The following TULP4 variants were observed in gnomAD, a reference collection of about 807,000 sequenced individuals.
TULP4 encodes the protein TUB like protein 4.
In TULP4, 16 loss-of-function variants were observed where a neutral mutation model predicts 129.0. The observed-to-expected ratio is 0.12, with a 90% CI of 0.08 to 0.19. The LOEUF (loss-of-function observed/expected upper bound fraction) is 0.19, where lower values mean the gene tolerates loss of function less well. TULP4 is among the 10% of genes least tolerant of loss of function. The probability of loss-of-function intolerance (pLI) is 1.00; values close to 1 mark genes in which losing one functional copy is unlikely to be tolerated. For missense variants in TULP4, 1,842 were observed against 2,059.1 expected (o/e 0.89, Z 2.04); for synonymous variants, 998 against 854.0 (o/e 1.17, Z -2.94).
upstream of TULP4, among the ~76,000 whole-genome samples, chr6:158,310,089 T>TGG (rs1779316227): frequency 6.6e-6 from 1 of 152,146 alleles, no homozygotes; most frequent in Non-Finnish European, 1.5e-5. Flanking sequence ...TTAGTAAACT[T>TGG]GGGGTATTAG....
chr6:158,238,746 A>G (rs1375369924), intron 1 of TULP4, among the ~76,000 whole-genome samples: 1 of 98,682 alleles, frequency 1.0e-5, no homozygotes, highest in African/African-American at 3.7e-5. Flanking sequence ...GGTTGGGGGT[A>G]AGGTCACAGA....
intron 1 of TULP4, among the ~76,000 whole-genome samples, chr6:158,249,604 G>A (rs1292977862): frequency 1.3e-5 from 2 of 152,138 alleles, no homozygotes; most frequent in African/African-American, 4.8e-5. Flanking sequence ...TTCTATTTGT[G>A]TTTGATTTTG....
Position 158,493,450 on chromosome 6 carries a change from G to A in TULP4, c.1632-123G>A, listed in dbSNP as rs1290937436. The A allele has an allele frequency of 1.0e-5, 11 of 1,062,238 alleles. No individual in the cohort carries two copies. Among genetic ancestry groups the A allele is most frequent in the Non-Finnish European group, 1.4e-5 (11 of 793,720 alleles). The allele number at this position is 1,062,238 out of a possible 1,614,324, so 65.8% of individuals were successfully genotyped here. On this transcript the variant is annotated intron_variant, in intron 9 of 13. Coordinates refer to ENST00000367097, the MANE Select transcript of TULP4 (RefSeq NM_020245.5). The surrounding 1 kb of genome is among the most constrained non-coding windows in gnomAD (Gnocchi z 4.4). ...AGAGCTTTGTTAAATTCGGGCACTG[G>A]CTGCAGGGTGAGAACCCAACACCCA...
rs1016340756 is a variant in TULP4 at position 158,502,355 on chromosome 6, G to A, written c.2692G>A (p.Glu898Lys). Residue 898 changes from glutamate to lysine, a missense_variant, in exon 13 of 14, where the codon GAG becomes AAG. Physicochemically the swap from Glu to Lys is moderately conservative, Grantham distance 56 (BLOSUM62 1). Around this residue, in one of 5 missense-constraint regions of TULP4, gnomAD observed 1,089 missense variants for 987.1 expected, o/e 1.10. Coordinates refer to ENST00000367097, the MANE Select transcript of TULP4 (RefSeq NM_020245.5). Reference sequence around the variant, plus strand: ...CACCTTCGACAGCAGTGGCAACGTGGAGGAGGTGTGCCGGCCCCGCACCCG... The same window carrying A: ...CACCTTCGACAGCAGTGGCAACGTGAAGGAGGTGTGCCGGCCCCGCACCCG... ...ITTFDSSGNV[E>K]EVCRPRTRML... 2 of 1,613,698 alleles carry A rather than the reference G, an allele frequency of 1.2e-6. No individual in the cohort carries two copies. The highest frequency in any genetic ancestry group is 1.7e-6 in the Non-Finnish European group (2 of 1,179,980).
intron 1 of TULP4, among the ~76,000 whole-genome samples, chr6:158,348,236 C>T (rs556681854): frequency 7.6e-6 from 1 of 131,442 alleles, no homozygotes; most frequent in African/African-American, 2.9e-5. Context: ...GGGGATGTGG[C>T]AGGGTCATAG....
At chr6:158,488,598 A>G (rs910829934) in intron 8 of TULP4, among the ~76,000 whole-genome samples, 1 of 152,186 alleles carries the variant, frequency 6.6e-6, no homozygotes, top group Non-Finnish European at 1.5e-5. Context: ...TAAGAAACTC[A>G]TCCTTTAAAA....
At chr6:158,440,366 C>T (rs1778863476) in intron 3 of TULP4, among the ~76,000 whole-genome samples, 3 of 147,214 alleles carry the variant, frequency 2.0e-5, no homozygotes, top group African/African-American at 7.5e-5. Context: ...AAAGTAAAAT[C>T]TCAATGGTCA....
intron 10 of TULP4, among the ~76,000 whole-genome samples, chr6:158,494,411 T>C (rs1780280924): frequency 6.6e-6 from 1 of 152,240 alleles, no homozygotes; most frequent in South Asian, 2.1e-4. Flanking sequence ...CAGGACATAC[T>C]GGTACCAATG....
chr6:158,356,334 T>C (rs1221557782), intron 1 of TULP4, among the ~76,000 whole-genome samples: 4 of 151,992 alleles, frequency 2.6e-5, no homozygotes, highest in African/African-American at 9.7e-5. Context: ...ACAGGAGTGG[T>C]TAGAGCTGAC....
At chr6:158,384,317 T>C (rs1190893146) in intron 1 of TULP4, among the ~76,000 whole-genome samples, 1 of 150,674 alleles carries the variant, frequency 6.6e-6, no homozygotes, top group Non-Finnish European at 1.5e-5. Flanking sequence ...AGACAGAGTC[T>C]CGCTCTGTGA....
chr6:158,243,373 C>T (rs537817555), intron 1 of TULP4, among the ~76,000 whole-genome samples: 2 of 151,834 alleles, frequency 1.3e-5, no homozygotes, highest in Non-Finnish European at 2.9e-5. Flanking sequence ...ATCAATACTC[C>T]TTGACTGCAG....
intron 1 of TULP4, among the ~76,000 whole-genome samples, chr6:158,389,538 T>A (rs917063364): frequency 3.4e-4 from 52 of 152,200 alleles, no homozygotes; most frequent in South Asian, 1.4e-3. Context: ...ACTTTTTTTT[T>A]AATCATATAC....
intron 1 of TULP4, among the ~76,000 whole-genome samples, chr6:158,352,557 T>C (rs1427166187): frequency 6.6e-6 from 1 of 152,102 alleles, no homozygotes; most frequent in African/African-American, 2.4e-5. Context: ...CCACCACGCC[T>C]GGCTAATTTT....
At chr6:158,411,126 G>GAAAAAAAAA (rs79023085) in intron 1 of TULP4, among the ~76,000 whole-genome samples, 2 of 52,162 alleles carry the variant, frequency 3.8e-5, no homozygotes, top group Non-Finnish European at 8.5e-5. Flanking sequence ...AGGTAAAAGT[G>GAAAAAAAAA]AAAAAAAAAA....
Position 158,340,580 on chromosome 6 carries a change from C to T in TULP4, c.252+26312C>T, listed in dbSNP as rs556358395. ...CATTGAGTCCTGGGTCTTCTGAGAA[C>T]ATGTTCTGATGTCCTTCCCTAGCCT... is the stretch of plus-strand genomic sequence containing the variant. On this transcript the variant is annotated intron_variant, in intron 1 of 13. Transcript: ENST00000367097. Among the ~76,000 whole-genome samples the T allele has an allele frequency of 2.0e-5, 3 of 152,284 alleles. No homozygotes were observed. In the East Asian group the frequency reaches 5.8e-4, roughly 29 times the overall value.
At chr6:158,486,655 C>A (rs1341814083) in intron 8 of TULP4, among the ~76,000 whole-genome samples, 2 of 152,178 alleles carry the variant, frequency 1.3e-5, no homozygotes, top group Non-Finnish European at 2.9e-5. Flanking sequence ...ATCATTCTGG[C>A]GCCCTAGTCT....
At chr6:158,489,534 T>C in intron 8 of TULP4, 54 bp from the exon 9 acceptor site, 2 of 1,605,660 alleles carry the variant, frequency 1.2e-6, no homozygotes, top group East Asian at 4.5e-5. Context: ...TGATCATTGG[T>C]AGGGGCTAAT....
chr6:158,311,268 T>C (rs568557697), upstream of TULP4, among the ~76,000 whole-genome samples: 22 of 152,096 alleles, frequency 1.4e-4, no homozygotes, highest in African/African-American at 5.3e-4. Flanking sequence ...CCAGTTCCTG[T>C]GGGATGGGGC....
chr6:158,285,320 T>C, intron 1 of TULP4, among the ~76,000 whole-genome samples: 1 of 152,050 alleles, frequency 6.6e-6, no homozygotes, highest in East Asian at 1.9e-4. Context: ...ATATTATTTG[T>C]TTATTGTTGC....
Sources: allele counts gnomAD v4.1 joint callset (sites outside exome capture counted in the v4.1 genomes callset), GRCh38; gene constraint gnomAD v4.1.1; regional missense constraint gnomAD v4.1.1; non-coding constraint Gnocchi (gnomAD v3.1); transcripts MANE v1.5; gene names NCBI Gene and HGNC (gene_info 2026-07-23, HGNC 2026-07-21).